The following MERTK variants were observed in gnomAD, a reference collection of about 807,000 sequenced individuals.
MERTK encodes the protein tyrosine-protein kinase Mer.
A neutral mutation model predicts 99.3 loss-of-function variants in MERTK; 69 were observed. The observed-to-expected ratio is 0.70, with a 90% confidence interval of 0.57 to 0.85. The LOEUF is 0.85. MERTK is among the 40% of genes least tolerant of loss of function. The pLI is 0.00. For synonymous variants in MERTK, 426 were observed against 467.6 expected (o/e 0.91, Z 1.15); for missense variants, 1,125 against 1,249.4 (o/e 0.90, Z 1.50).
chr2:112,000,600 C>T (rs1177443884), intron 10 of MERTK, among the ~76,000 whole-genome samples: 1 of 152,162 alleles, frequency 6.6e-6, no homozygotes, highest in Non-Finnish European at 1.5e-5. Context: ...ATGCCATTGT[C>T]ATCACTTCTT....
At chr2:111,986,018 A>G (rs1676472818) in intron 8 of MERTK, among the ~76,000 whole-genome samples, 2 of 152,172 alleles carry the variant, frequency 1.3e-5, no homozygotes, top group African/African-American at 4.8e-5. Context: ...GCATTTATCA[A>G]AACTGCCATT....
intron 8 of MERTK, among the ~76,000 whole-genome samples, chr2:111,985,914 G>A (rs1676470797): frequency 6.6e-6 from 1 of 152,316 alleles, no homozygotes; most frequent in African/African-American, 2.4e-5. Flanking sequence ...TATAGATGCT[G>A]CATATAGAGA....
chr2:111,990,346 A>G (rs943625998), intron 8 of MERTK, among the ~76,000 whole-genome samples: 6 of 152,258 alleles, frequency 3.9e-5, no homozygotes, highest in African/African-American at 1.4e-4. Flanking sequence ...AACATTTATT[A>G]TAATTCCACC....
At chr2:111,914,823 T>C (rs2311814) in intron 1 of MERTK, among the ~76,000 whole-genome samples, 148,296 of 152,184 alleles carry the variant, frequency 0.97, 72,377 homozygotes, top group Middle Eastern at 1. Context: ...AATTTTTTTG[T>C]GTTTATATTC....
At chr2:111,997,588 C>A (rs1253823857) in intron 10 of MERTK, 112 bp downstream of exon 10, 2 of 1,273,274 alleles carry the variant, frequency 1.6e-6, no homozygotes, top group Non-Finnish European at 2.2e-6. Context: ...AGATGGCTGC[C>A]CTGCCTTATG....
chr2:111,960,262 C>T (rs1685220631), intron 4 of MERTK, among the ~76,000 whole-genome samples: 1 of 151,942 alleles, frequency 6.6e-6, no homozygotes, highest in African/African-American at 2.4e-5. Context: ...AGGTGGATCA[C>T]CTGAGGTCAG....
chr2:111,990,754 G>A (rs1676599899), intron 8 of MERTK, among the ~76,000 whole-genome samples: 1 of 152,178 alleles, frequency 6.6e-6, no homozygotes, highest in African/African-American at 2.4e-5. Flanking sequence ...TTTCCTTTGT[G>A]TCATGTCAGT....
chr2:111,930,554 G>C (rs59141262), intron 2 of MERTK: 1 of 151,864 alleles, frequency 6.6e-6, no homozygotes, highest in Non-Finnish European at 1.5e-5. Context: ...TCTCCCCACC[G>C]CCTCCCAGTG....
chr2:111,925,784 T>C (rs1684554580), intron 1 of MERTK, among the ~76,000 whole-genome samples: 1 of 152,110 alleles, frequency 6.6e-6, no homozygotes, highest in Admixed American at 6.6e-5. Flanking sequence ...TCAGAGGTTA[T>C]TATCTTGCAG....
chr2:111,988,421 C>G (rs1676538732), intron 8 of MERTK, among the ~76,000 whole-genome samples: 2 of 152,126 alleles, frequency 1.3e-5, no homozygotes, highest in Admixed American at 1.3e-4. Flanking sequence ...GTCAAATAAG[C>G]TTCTTGGTTT....
intron 5 of MERTK, 146 bp downstream of exon 5, chr2:111,965,423 T>C: frequency 1.3e-6 from 1 of 776,236 alleles, no homozygotes; most frequent in African/African-American, 1.7e-5. Context: ...ACTTCTCCTC[T>C]TTGGTGTCAG....
chr2:111,925,061 T>G (rs939287871), intron 1 of MERTK, among the ~76,000 whole-genome samples: 1 of 151,722 alleles, frequency 6.6e-6, no homozygotes, highest in Non-Finnish European at 1.5e-5. Flanking sequence ...GCCTCCCTGA[T>G]GCTATGGGCA....
At chr2:111,940,639 C>T (rs1415485274) in intron 2 of MERTK, 1 of 679,908 alleles carries the variant, frequency 1.5e-6, no homozygotes, top group Non-Finnish European at 2.8e-6. Context: ...AGCCATTACA[C>T]CAGGCTTAAA....
At chr2:111,925,902 G>A (rs1040409118) in intron 1 of MERTK, among the ~76,000 whole-genome samples, 7 of 150,720 alleles carry the variant, frequency 4.6e-5, no homozygotes, top group Non-Finnish European at 7.4e-5. Context: ...GCGCGATCTC[G>A]GCTCACTGCA....
At chr2:111,944,530 A>C (rs1684925612) in intron 2 of MERTK, among the ~76,000 whole-genome samples, 7 of 152,318 alleles carry the variant, frequency 4.6e-5, no homozygotes, top group South Asian at 2.1e-4. Context: ...GTTTTAAGGA[A>C]TTAGCTCACA....
intron 18 of MERTK, among the ~76,000 whole-genome samples, chr2:112,025,075 G>C (rs915489972): frequency 5.9e-5 from 9 of 152,254 alleles, no homozygotes; most frequent in Non-Finnish European, 1.2e-4. Flanking sequence ...CAGGTGCCCT[G>C]TGTTAGATGG....
intron 1 of MERTK, among the ~76,000 whole-genome samples, chr2:111,925,290 ATATTTTTTTTT>A (rs1413864472): frequency 6.3e-5 from 2 of 31,508 alleles, no homozygotes; most frequent in Non-Finnish European, 1.1e-4. Flanking sequence ...ATATATATAT[ATATTTTTTTTT>A]TTTTTTTTTT....
intron 2 of MERTK, among the ~76,000 whole-genome samples, chr2:111,944,496 T>C (rs375763709): frequency 0.053 from 14 of 262 alleles, no homozygotes; most frequent in African/African-American, 0.13. Flanking sequence ...TCCTAAATTA[T>C]GAATTCCTTA....
intron 3 of MERTK, among the ~76,000 whole-genome samples, chr2:111,945,455 G>C (rs557450143): frequency 1.3e-5 from 2 of 152,334 alleles, no homozygotes; most frequent in African/African-American, 4.8e-5. Flanking sequence ...TTATTATTCA[G>C]CATCTTTTCC....
Sources: gnomAD v4.1 joint callset for allele counts (sites outside exome capture counted in the v4.1 genomes callset) on GRCh38, gnomAD v4.1.1 for gene constraint, MANE v1.5 for transcripts, NCBI Gene and HGNC (gene_info 2026-07-23, HGNC 2026-07-21) for gene names.